The following PTPRA variants were observed in gnomAD, a reference collection of about 807,000 sequenced individuals.
PTPRA encodes the protein receptor-type tyrosine-protein phosphatase alpha.
Under a neutral mutation model 104.8 loss-of-function variants are expected in PTPRA, and 25 were observed. That is an observed-to-expected ratio of 0.24 (90% confidence interval 0.17 to 0.33). The LOEUF (loss-of-function observed/expected upper bound fraction) is 0.33. Ranked by LOEUF, PTPRA falls within the 10% of genes least tolerant of loss-of-function variation. PTPRA has a pLI of 1.00. For missense variants in PTPRA, 765 were observed against 1,015.3 expected, an observed-to-expected ratio of 0.75 and a Z score of 3.35; for synonymous variants, 323 against 368.9, an observed-to-expected ratio of 0.88 and a Z score of 1.43.
intron 20 of PTPRA, 30 bp downstream of exon 20, chr20:3,027,871 G>A: frequency 1.2e-6 from 2 of 1,609,892 alleles, no homozygotes; most frequent in Non-Finnish European, 1.7e-6. Flanking sequence ...GGTGGTGAGA[G>A]ACAGAGACAG....
chr20:2,986,755 T>G lies in PTPRA; in HGVS notation c.443-10T>G. 6.2e-7 allele frequency: 1 copy of G among 1,606,338 alleles called. No homozygotes were observed. The highest frequency in any genetic ancestry group is 8.5e-7 in the Non-Finnish European group (1 of 1,172,854). On this transcript the variant is annotated splice_polypyrimidine_tract_variant and intron_variant, in intron 6 of 23. Coordinates refer to ENST00000399903, the MANE Select transcript of PTPRA (RefSeq NM_001385305.1). ...CACAGTAATGACTTGTTCTGTTGTCTTGATTTCAGATGAGACACCAATTAT... is the reference window on the plus strand; with the variant it reads ...CACAGTAATGACTTGTTCTGTTGTCGTGATTTCAGATGAGACACCAATTAT...
rs1481548997 is a variant in PTPRA at position 2,909,799 on chromosome 20, AAT to A, written c.-128-13400_-128-13399del. On this transcript the variant is annotated intron_variant, in intron 1 of 23. Coordinates refer to ENST00000399903, the MANE Select transcript of PTPRA (RefSeq NM_001385305.1). ...TAAGATAATATAATATATATTAGAT[AAT>A]ATATATAATATAAGATAATATATAT... Among the ~76,000 whole-genome samples, 6 of 134,606 alleles carry A rather than the reference AAT, an allele frequency of 4.5e-5. No homozygotes were observed. The East Asian group carries it at 8.3e-4, about 19-fold the overall frequency. 88.3% of individuals were successfully genotyped at this position (134,606 alleles called of 152,430 possible).
intron 13 of PTPRA, among the ~76,000 whole-genome samples, chr20:3,018,898 G>A (rs2064641051): frequency 8.3e-6 from 1 of 120,872 alleles, no homozygotes; most frequent in Non-Finnish European, 1.7e-5. Flanking sequence ...TGGCCGGGCA[G>A]AGGGGCTCCT....
At chr20:2,942,883 A>G (rs1339050549) in intron 2 of PTPRA, among the ~76,000 whole-genome samples, 2 of 152,036 alleles carry the variant, frequency 1.3e-5, no homozygotes, top group East Asian at 1.9e-4. Flanking sequence ...ACAGATATAT[A>G]TTTTCCTATA....
intron 4 of PTPRA, among the ~76,000 whole-genome samples, chr20:2,964,558 A>C (rs578226632): frequency 6.6e-6 from 1 of 152,360 alleles, no homozygotes; most frequent in East Asian, 1.9e-4. Flanking sequence ...AATAAATCAA[A>C]GAGATTATGT....
At chr20:2,988,614 G>T in intron 9 of PTPRA, 140 bp downstream of exon 9, 1 of 1,250,500 alleles carries the variant, frequency 8.0e-7, no homozygotes, top group East Asian at 2.8e-5. Context: ...AAGTTTATCT[G>T]ACTCCCTGTA....
chr20:2,942,072 A>G (rs2060943634), intron 2 of PTPRA, among the ~76,000 whole-genome samples: 1 of 152,246 alleles, frequency 6.6e-6, no homozygotes, highest in Non-Finnish European at 1.5e-5. Context: ...GGCCTAGCAC[A>G]TAGTAAATAC....
chr20:2,971,896 G>A (rs986660270), intron 5 of PTPRA, among the ~76,000 whole-genome samples: 10 of 151,902 alleles, frequency 6.6e-5, no homozygotes, highest in South Asian at 2.1e-4. Context: ...GTGCAGTGGC[G>A]CCATCTCAGC....
At position 3,027,105 on chromosome 20, in the gene PTPRA, G is replaced by T. The variant is rs187738426; in HGVS notation, c.1709-16G>T. On this transcript the variant is annotated splice_polypyrimidine_tract_variant and intron_variant, in intron 18 of 23. Coordinates refer to ENST00000399903, the MANE Select transcript of PTPRA (RefSeq NM_001385305.1). Reference sequence around the variant, plus strand: ...AAATGATATTGGCTAGCCATAAGCCGCTATTCTTCTTACAGATGAATTCAA... The same window carrying T: ...AAATGATATTGGCTAGCCATAAGCCTCTATTCTTCTTACAGATGAATTCAA... 1.2e-6 allele frequency: 2 copies of T among 1,612,690 alleles called. No individual in the cohort carries two copies. Among genetic ancestry groups the T allele is most frequent in the East Asian group, 2.2e-5 (1 of 44,880 alleles).
chr20:2,894,859 C>T (rs1233936376), intron 1 of PTPRA, among the ~76,000 whole-genome samples: 1 of 151,480 alleles, frequency 6.6e-6, no homozygotes, highest in African/African-American at 2.4e-5. Context: ...TGGTGACGGG[C>T]GCCTGTAGTC....
chr20:2,907,775 A>T (rs937376097), intron 1 of PTPRA, among the ~76,000 whole-genome samples: 3 of 152,094 alleles, frequency 2.0e-5, no homozygotes, highest in Non-Finnish European at 4.4e-5. Context: ...AAACTCATTC[A>T]AAAGAGATGG....
At chr20:2,937,834 A>G (rs996947156) in intron 2 of PTPRA, among the ~76,000 whole-genome samples, 35 of 152,158 alleles carry the variant, frequency 2.3e-4, no homozygotes, top group Non-Finnish European at 1.0e-4. Context: ...CTGTCTATAG[A>G]ATTTTAGCTT....
chr20:2,886,933 A>G (rs1312840599), intron 1 of PTPRA, among the ~76,000 whole-genome samples: 3 of 152,102 alleles, frequency 2.0e-5, no homozygotes, highest in East Asian at 1.9e-4. Context: ...TCAAAAGTAT[A>G]TCACAGAAGA....
At chr20:3,038,038 T>C in intron 23 of PTPRA, 21 bp from the exon 24 acceptor site, 2 of 1,588,428 alleles carry the variant, frequency 1.3e-6, no homozygotes, top group South Asian at 1.1e-5. Context: ...CCTGACTTTT[T>C]CCCTACCTTT....
chr20:2,898,909 A>G (rs1483836377), intron 1 of PTPRA, among the ~76,000 whole-genome samples: 2 of 152,218 alleles, frequency 1.3e-5, no homozygotes, highest in South Asian at 4.1e-4. Context: ...TCAGTCGTGG[A>G]ATCAATAATT....
At chr20:2,908,734 A>T (rs1011430586) in intron 1 of PTPRA, among the ~76,000 whole-genome samples, 1 of 152,092 alleles carries the variant, frequency 6.6e-6, no homozygotes, top group African/African-American at 2.4e-5. Flanking sequence ...CTCTAGTTTT[A>T]AAAAAATACA....
At chr20:3,016,633 G>A (rs748641751) in intron 12 of PTPRA, among the ~76,000 whole-genome samples, 2 of 152,178 alleles carry the variant, frequency 1.3e-5, no homozygotes, top group African/African-American at 2.4e-5. Context: ...CCAGCTACTT[G>A]GGAGGCTGAG....
At position 2,958,658 on chromosome 20, in the gene PTPRA, TAAAAAAA is replaced by T. The variant is rs71195806; in HGVS notation, c.-6-5593_-6-5587del. Among the ~76,000 whole-genome samples, 228 of 62,270 alleles carry T rather than the reference TAAAAAAA, an allele frequency of 3.7e-3. 2 individuals are homozygous for T. Among genetic ancestry groups the T allele is most frequent in the East Asian group, 0.016 (20 of 1,262 alleles). The allele number at this position is 62,270 out of a possible 152,430, so 40.9% of individuals were successfully genotyped here. A position where few individuals can be genotyped will look rare whatever the true frequency, so the allele number is the denominator to read the frequency against. On this transcript the variant is annotated intron_variant, in intron 3 of 23. Transcript: ENST00000399903. ...CAACATGGTGAAACCCCATCTCTAC[TAAAAAAA>T]AAAAAAAAAAAAAAAAAAAAGAAAT...
intron 5 of PTPRA, among the ~76,000 whole-genome samples, chr20:2,969,335 C>T (rs1396274979): frequency 6.6e-6 from 1 of 151,628 alleles, no homozygotes; most frequent in Admixed American, 6.6e-5. Context: ...GCAAACTCTG[C>T]CTTCAGGGTT....
Sources: allele counts gnomAD v4.1 joint callset (sites outside exome capture counted in the v4.1 genomes callset), GRCh38; gene constraint gnomAD v4.1.1; transcripts MANE v1.5; gene names NCBI Gene and HGNC (gene_info 2026-07-23, HGNC 2026-07-21).